The following ZCWPW1 variants were observed in gnomAD, a reference collection of about 807,000 sequenced individuals.
ZCWPW1 encodes zinc finger CW-type PWWP domain protein 1.
ZCWPW1 carries 56 observed loss-of-function variants against 81.3 expected under a neutral mutation model. That is an observed-to-expected ratio of 0.69 (90% confidence interval 0.56 to 0.86). The LOEUF (loss-of-function observed/expected upper bound fraction) is 0.86. Ranked by LOEUF, ZCWPW1 falls within the 40% of genes least tolerant of loss-of-function variation. ZCWPW1 has a pLI of 0.00. For synonymous variants in ZCWPW1, 250 were observed against 273.7 expected (o/e 0.91, Z 0.86); for missense variants, 650 against 769.8 (o/e 0.84, Z 1.84).
intron 1 of ZCWPW1, among the ~76,000 whole-genome samples, chr7:100,425,485 AAG>A (rs1238300455): frequency 6.6e-6 from 1 of 152,236 alleles, no homozygotes; most frequent in Non-Finnish European, 1.5e-5. Context: ...GATCTCAAAA[AAG>A]AGTTTTATTT....
In ZCWPW1 at chr7:100,419,758, T is replaced by C. The variant is rs1389343198; in HGVS notation, c.154A>G (p.Arg52Gly). ...PGISSPETEA[R>G]ISLPKASLKK... ...AAACTGGCCTTTGGCAGGCTTATCC[T>C]GGCCTCTGTCTCTGGGGAACTGATC... The change falls in exon 4 of 18, where the codon AGG (arginine) becomes GGG (glycine). Residue 52 changes from arginine (R) to glycine (G), a missense_variant. Transcript: ENST00000684423. The C allele has an allele frequency of 1.2e-6, 2 of 1,614,208 alleles. No individual in the cohort carries two copies.
chr7:100,406,454 A>G (rs1158527645), intron 12 of ZCWPW1, among the ~76,000 whole-genome samples: 2 of 152,146 alleles, frequency 1.3e-5, no homozygotes, highest in Non-Finnish European at 2.9e-5. Context: ...TAAACTGTAG[A>G]AAAAACCTCA....
intron 3 of ZCWPW1, 44 bp downstream of exon 3, chr7:100,420,578 A>G: frequency 6.2e-7 from 1 of 1,613,226 alleles, no homozygotes; most frequent in Non-Finnish European, 8.5e-7. Flanking sequence ...AAGGAGAAAA[A>G]TGAGAGAAAT....
At chr7:100,428,272 C>G (rs1459973515) in intron 1 of ZCWPW1, among the ~76,000 whole-genome samples, 1 of 152,290 alleles carries the variant, frequency 6.6e-6, no homozygotes, top group Non-Finnish European at 1.5e-5. Flanking sequence ...ACGAGGACGC[C>G]CTGAGCACTA....
At chr7:100,407,205 T>C in intron 11 of ZCWPW1, 23 bp downstream of exon 11, 1 of 1,611,996 alleles carries the variant, frequency 6.2e-7, no homozygotes, top group Non-Finnish European at 8.5e-7. Context: ...GAGCTCCTTC[T>C]TACCCTGAAC....
At chr7:100,409,634 C>T (rs1793782668) in intron 8 of ZCWPW1, 90 bp from the exon 9 acceptor site, 1 of 892,810 alleles carries the variant, frequency 1.1e-6, no homozygotes, top group Admixed American at 2.1e-5. Context: ...TCCCAACTCC[C>T]AGAATGACAT....
At chr7:100,402,843 T>G (rs1792211373) in intron 15 of ZCWPW1, among the ~76,000 whole-genome samples, 1 of 151,880 alleles carries the variant, frequency 6.6e-6, no homozygotes, top group African/African-American at 2.4e-5. Flanking sequence ...AAATTAAAAA[T>G]TAGAAGAAAA....
At chr7:100,426,031 T>C (rs947693696) in intron 1 of ZCWPW1, among the ~76,000 whole-genome samples, 3 of 152,154 alleles carry the variant, frequency 2.0e-5, no homozygotes, top group African/African-American at 7.2e-5. Context: ...TAAACAGTAA[T>C]TCTCTCTCCC....
Position 100,404,160 on chromosome 7 carries a change from A to G in ZCWPW1, c.1321+18T>C, listed in dbSNP as rs750510774. On this transcript the variant is annotated intron_variant, in intron 14 of 17. Coordinates refer to ENST00000684423, the MANE Select transcript of ZCWPW1 (RefSeq NM_001386010.1). ...TCCCTCCCATCCTTCTCCAGTCCTC[A>G]ACCTCCATTTATCCTACCTTTTCTT... 8 of 1,613,506 alleles carry G rather than the reference A, an allele frequency of 5.0e-6. No homozygotes were observed. The highest frequency in any genetic ancestry group is 1.3e-5 in the African/African-American group (1 of 74,912).
intron 9 of ZCWPW1, 42 bp downstream of exon 9, chr7:100,409,386 G>C (rs1411336355): frequency 1.4e-6 from 2 of 1,455,242 alleles, no homozygotes; most frequent in Non-Finnish European, 1.9e-6. Context: ...AGAAAGGGAG[G>C]AACAATAAAA....
intron 12 of ZCWPW1, 118 bp downstream of exon 12, chr7:100,406,576 A>T: frequency 1.1e-6 from 1 of 946,496 alleles, no homozygotes. Flanking sequence ...CACCCTTGGC[A>T]CACCTGGTCA....
At chr7:100,415,550 T>G (rs1046005623) in intron 8 of ZCWPW1, among the ~76,000 whole-genome samples, 5 of 152,230 alleles carry the variant, frequency 3.3e-5, no homozygotes, top group Non-Finnish European at 7.3e-5. Flanking sequence ...CTTGAGCTTA[T>G]GTTTATCCTC....
intron 9 of ZCWPW1, 32 bp downstream of exon 9, chr7:100,409,396 A>C (rs1793733958): frequency 6.6e-7 from 1 of 1,515,232 alleles, no homozygotes. Context: ...GAACAATAAA[A>C]CATGAATGAA....
Position 100,403,708 on chromosome 7 carries a change from C to T in ZCWPW1, c.1399G>A (p.Glu467Lys), listed in dbSNP as rs1792401121. The T allele has an allele frequency of 1.9e-6, 3 of 1,613,288 alleles. No individual in the cohort carries two copies. Among genetic ancestry groups the T allele is most frequent in the Non-Finnish European group, 2.5e-6 (3 of 1,179,608 alleles). ...KEKEEELEKE[E>K]GEKTDPILPI... ...GCTAATCTTACTGTTTTCTCTCCTT[C>T]CTCCTTTTCCAACTCTTCCTCTTTC... is the stretch of plus-strand genomic sequence containing the variant. The change falls in exon 15 of 18, where the codon GAA (glutamate) becomes AAA (lysine). Residue 467 changes from glutamate (E) to lysine (K), a missense_variant. Transcript: ENST00000684423.
intron 1 of ZCWPW1, among the ~76,000 whole-genome samples, chr7:100,425,722 A>G (rs1374371197): frequency 6.6e-6 from 1 of 152,230 alleles, no homozygotes; most frequent in East Asian, 1.9e-4. Context: ...CAGACATGAA[A>G]GAGATTTGCA....
At chr7:100,423,614 C>T (rs1796748101) in intron 2 of ZCWPW1, among the ~76,000 whole-genome samples, 1 of 152,122 alleles carries the variant, frequency 6.6e-6, no homozygotes, top group Non-Finnish European at 1.5e-5. Context: ...ACGACGTTTC[C>T]TTTATATTAA....
intron 2 of ZCWPW1, among the ~76,000 whole-genome samples, chr7:100,422,215 T>C (rs566058908): frequency 6.6e-6 from 1 of 152,322 alleles, no homozygotes; most frequent in African/African-American, 2.4e-5. Context: ...TTAGAACCTG[T>C]CTGATTTCAA....
At chr7:100,418,404 A>G (rs2130781362) in intron 5 of ZCWPW1, among the ~76,000 whole-genome samples, 1 of 152,298 alleles carries the variant, frequency 6.6e-6, no homozygotes, top group Admixed American at 6.5e-5. Context: ...CAATCCCAAC[A>G]CTTTGGGAGG....
At chr7:100,428,299 G>C (rs755921700) in intron 1 of ZCWPW1, among the ~76,000 whole-genome samples, 1 of 152,052 alleles carries the variant, frequency 6.6e-6, no homozygotes, top group Non-Finnish European at 1.5e-5. Context: ...CCCGAGGGCG[G>C]TGCGCTCGCG....
Sources: gnomAD v4.1 joint callset for allele counts (sites outside exome capture counted in the v4.1 genomes callset) on GRCh38, gnomAD v4.1.1 for gene constraint, MANE v1.5 for transcripts, NCBI Gene and HGNC (gene_info 2026-07-23, HGNC 2026-07-21) for gene names.